MICU1: variants seen among roughly 807,000 people sequenced by gnomAD.
The protein encoded by MICU1 is calcium uptake protein 1, mitochondrial.
In MICU1, 45 loss-of-function variants were observed where a neutral mutation model predicts 56.8. The observed-to-expected ratio is 0.79, with a 90% confidence interval of 0.62 to 1.02. The LOEUF (loss-of-function observed/expected upper bound fraction) is 1.02. MICU1 is among the 50% of genes least tolerant of loss of function. MICU1 has a pLI of 0.00. For synonymous variants in MICU1, 186 were observed against 195.1 expected (o/e 0.95, Z 0.39); for missense variants, 504 against 587.1 (o/e 0.86, Z 1.46).
At position 72,514,306 on chromosome 10, in the gene MICU1, T is replaced by G. The variant is rs371334222; in HGVS notation, c.538-6037A>C. On this transcript the variant is annotated intron_variant, in intron 5 of 11. Coordinates refer to ENST00000361114, the MANE Select transcript of MICU1 (RefSeq NM_001195518.2). ...ATCTAAAGTCTTTGAGTAGTACATA[T>G]AATGTCCGTGCCTCCTCAAGGATAC... Among the ~76,000 whole-genome samples the G allele has an allele frequency of 3.3e-5, 5 of 152,330 alleles. No homozygotes were observed. The East Asian group carries it at 7.7e-4, about 23-fold the overall frequency.
intron 8 of MICU1, among the ~76,000 whole-genome samples, chr10:72,447,654 T>C (rs1302178364): frequency 6.6e-6 from 1 of 152,088 alleles, no homozygotes; most frequent in Non-Finnish European, 1.5e-5. Context: ...GAAAAAATCA[T>C]TGGTGTACAG....
chr10:72,418,983 TGACAAAA>T (rs1033777780), intron 9 of MICU1, among the ~76,000 whole-genome samples: 1 of 152,244 alleles, frequency 6.6e-6, no homozygotes, highest in Non-Finnish European at 1.5e-5. Context: ...TTTCATCATC[TGACAAAA>T]TTTGTCCTTT....
At chr10:72,621,910 C>T (rs999205633) in intron 1 of MICU1, among the ~76,000 whole-genome samples, 1 of 151,832 alleles carries the variant, frequency 6.6e-6, no homozygotes, top group Non-Finnish European at 1.5e-5. Flanking sequence ...ACCAAGTTCT[C>T]TTATTTATTT....
intron 5 of MICU1, chr10:72,531,558 A>T (rs896917705): frequency 1.3e-5 from 2 of 151,956 alleles, no homozygotes; most frequent in Non-Finnish European, 2.9e-5. Context: ...TCTCTACTAA[A>T]AATAAAAAAA....
chr10:72,378,248 G>A (rs1397656337), intron 10 of MICU1, among the ~76,000 whole-genome samples: 1 of 152,140 alleles, frequency 6.6e-6, no homozygotes, highest in Non-Finnish European at 1.5e-5. Flanking sequence ...GCGGGACTCT[G>A]TCTCACAAAA....
At chr10:72,521,680 T>C (rs1345599692) in intron 5 of MICU1, among the ~76,000 whole-genome samples, 1 of 152,136 alleles carries the variant, frequency 6.6e-6, no homozygotes, top group East Asian at 1.9e-4. Context: ...AATCATTATA[T>C]GTTACATTGT....
intron 3 of MICU1, among the ~76,000 whole-genome samples, chr10:72,554,605 T>C (rs1438175749): frequency 6.6e-6 from 1 of 152,192 alleles, no homozygotes; most frequent in African/African-American, 2.4e-5. Context: ...ACTATATGTC[T>C]AGGAATAAAC....
At chr10:72,419,560 TAAG>T (rs1864088712) in intron 9 of MICU1, among the ~76,000 whole-genome samples, 1 of 152,248 alleles carries the variant, frequency 6.6e-6, no homozygotes, top group African/African-American at 2.4e-5. Context: ...GTCTGGCTGA[TAAG>T]AAGGGTTTTC....
intron 8 of MICU1, among the ~76,000 whole-genome samples, chr10:72,461,396 A>G (rs547866202): frequency 2.6e-4 from 40 of 152,352 alleles, no homozygotes; most frequent in South Asian, 2.1e-3. Context: ...AATTGACTCA[A>G]ATAATGCCAC....
intron 4 of MICU1, among the ~76,000 whole-genome samples, chr10:72,549,253 T>C (rs1380068730): frequency 6.7e-6 from 1 of 149,892 alleles, no homozygotes; most frequent in East Asian, 2.0e-4. Context: ...TGCAGTGGTG[T>C]CATCTTGGCA....
At chr10:72,565,065 G>A (rs147461440) in intron 2 of MICU1, among the ~76,000 whole-genome samples, 1 of 150,798 alleles carries the variant, frequency 6.6e-6, no homozygotes, top group Non-Finnish European at 1.5e-5. Flanking sequence ...CAAGTCACTT[G>A]ACCCCAGGAG....
chr10:72,548,070 G>T (rs1240479421), intron 4 of MICU1, among the ~76,000 whole-genome samples: 1 of 152,198 alleles, frequency 6.6e-6, no homozygotes, highest in African/African-American at 2.4e-5. Flanking sequence ...TGCCAACATG[G>T]TTGAGTATGT....
At chr10:72,500,015 G>C (rs1446097648) in intron 6 of MICU1, among the ~76,000 whole-genome samples, 3 of 151,826 alleles carry the variant, frequency 2.0e-5, no homozygotes, top group Non-Finnish European at 2.9e-5. Context: ...TTAATTTTCA[G>C]TAAATCAAAT....
intron 1 of MICU1, among the ~76,000 whole-genome samples, chr10:72,604,243 T>A (rs2132553510): frequency 6.6e-6 from 1 of 151,964 alleles, no homozygotes; most frequent in African/African-American, 2.4e-5. Flanking sequence ...ATAACAATAT[T>A]AGGTATTTCA....
intron 9 of MICU1, among the ~76,000 whole-genome samples, chr10:72,409,048 T>C (rs1863722901): frequency 6.6e-6 from 1 of 151,572 alleles, no homozygotes. Context: ...AATTCCTTTA[T>C]AGGGAGGAAG....
At chr10:72,389,531 A>G (rs987343043) in intron 10 of MICU1, among the ~76,000 whole-genome samples, 7 of 152,240 alleles carry the variant, frequency 4.6e-5, no homozygotes, top group African/African-American at 1.7e-4. Flanking sequence ...GAATAACTAC[A>G]AAGAATCAAG....
At chr10:72,442,436 G>A (rs951838575) in intron 8 of MICU1, among the ~76,000 whole-genome samples, 5 of 152,080 alleles carry the variant, frequency 3.3e-5, no homozygotes, top group Admixed American at 6.6e-5. Context: ...GAGCCACCAC[G>A]CCTGGCCAAT....
intron 11 of MICU1, among the ~76,000 whole-genome samples, chr10:72,372,070 A>AG (rs1388591801): frequency 6.6e-6 from 1 of 151,598 alleles, no homozygotes; most frequent in Admixed American, 6.6e-5. Flanking sequence ...AAAAAAAAAA[A>AG]GAAAAAAATA....
rs894955818 is a variant in MICU1, at chr10:72,517,301, T to C, written c.538-9032A>G. 4.6e-5 allele frequency among the ~76,000 whole-genome samples: 7 copies of C among 152,264 alleles called. No individual in the cohort carries two copies. In the East Asian group the frequency reaches 1.2e-3, roughly 25 times the overall value. On this transcript the variant is annotated intron_variant, in intron 5 of 11. Transcript: ENST00000361114. Reference sequence around the variant, plus strand: ...TTACTCAAAGGAAAAGGAGTCATTATACAAAAAAGATACTTGCATATGCAT... The same window carrying C: ...TTACTCAAAGGAAAAGGAGTCATTACACAAAAAAGATACTTGCATATGCAT...
Sources: gnomAD v4.1 joint callset for allele counts (sites outside exome capture counted in the v4.1 genomes callset) on GRCh38, gnomAD v4.1.1 for gene constraint, MANE v1.5 for transcripts, NCBI Gene and HGNC (gene_info 2026-07-23, HGNC 2026-07-21) for gene names.